The following HHAT variants were observed in gnomAD, a reference collection of about 807,000 sequenced individuals.
The protein encoded by HHAT is protein-cysteine N-palmitoyltransferase HHAT.
HHAT carries 47 observed loss-of-function variants against 70.8 expected under a neutral mutation model. The ratio of observed to expected loss-of-function variants is 0.66; its 90% CI spans 0.53 to 0.85. The LOEUF is 0.85. HHAT is among the 40% of genes least tolerant of loss of function. HHAT has a pLI of 0.00. For synonymous variants in HHAT, 228 were observed against 247.6 expected (o/e 0.92, Z 0.74); for missense variants, 609 against 604.8 (o/e 1.01, Z -0.07).
intron 9 of HHAT, among the ~76,000 whole-genome samples, chr1:210,572,157 G>GC (rs1198015158): frequency 6.6e-6 from 1 of 152,218 alleles, no homozygotes; most frequent in East Asian, 1.9e-4. Context: ...CCTTTCCAGT[G>GC]CCAAACTTTA....
intron 3 of HHAT, among the ~76,000 whole-genome samples, chr1:210,381,902 T>G (rs2090668057): frequency 6.6e-6 from 1 of 152,228 alleles, no homozygotes. Flanking sequence ...GCCTTGGCAC[T>G]TGGCTTGGTA....
rs771679703 is a variant in HHAT, at chr1:210,674,270, TC to T, written c.1391-17del. ...AAGCATTTCTAACTGCTCTTCCATCTCTGTCCTCCCTCTGCAGGCTGGCCTT... is the reference window on the plus strand; with the variant it reads ...AAGCATTTCTAACTGCTCTTCCATCTTGTCCTCCCTCTGCAGGCTGGCCTT... On this transcript the variant is annotated splice_polypyrimidine_tract_variant and intron_variant, in intron 11 of 11. Transcript: ENST00000261458. The T allele has an allele frequency of 6.2e-6, 10 of 1,601,576 alleles. No individual in the cohort carries two copies. The highest frequency in any genetic ancestry group is 7.7e-6 in the Non-Finnish European group (9 of 1,168,778).
intron 8 of HHAT, among the ~76,000 whole-genome samples, chr1:210,466,940 A>G (rs1424699783): frequency 1.3e-5 from 2 of 152,180 alleles, no homozygotes; most frequent in African/African-American, 2.4e-5. Flanking sequence ...AATGTGGACA[A>G]AAGAGTAGTA....
intron 3 of HHAT, among the ~76,000 whole-genome samples, chr1:210,383,067 C>T (rs1017808941): frequency 1.1e-4 from 17 of 152,172 alleles, no homozygotes; most frequent in South Asian, 4.2e-4. Flanking sequence ...AGGCCGGGCA[C>T]GGTGGCTTAT....
At chr1:210,357,656 C>G (rs1216583358) in intron 2 of HHAT, among the ~76,000 whole-genome samples, 1 of 152,116 alleles carries the variant, frequency 6.6e-6, no homozygotes, top group Non-Finnish European at 1.5e-5. Flanking sequence ...CCCGTCTCTA[C>G]TAAAAATACA....
chr1:210,625,216 G>A (rs944289498), intron 11 of HHAT, among the ~76,000 whole-genome samples: 1 of 152,196 alleles, frequency 6.6e-6, no homozygotes, highest in Non-Finnish European at 1.5e-5. Context: ...ATAAAGATGA[G>A]AGATAATAGG....
At chr1:210,427,589 C>G (rs2093103460) in intron 7 of HHAT, among the ~76,000 whole-genome samples, 1 of 152,118 alleles carries the variant, frequency 6.6e-6, no homozygotes, top group Non-Finnish European at 1.5e-5. Context: ...GCAGGTCATT[C>G]AATTTCCATG....
intron 9 of HHAT, among the ~76,000 whole-genome samples, chr1:210,547,085 T>C (rs766725952): frequency 2.6e-5 from 4 of 152,090 alleles, no homozygotes; most frequent in Non-Finnish European, 5.9e-5. Context: ...ATCCCAGCAC[T>C]TTGGGAGGGT....
In HHAT at chr1:210,634,203, C is replaced by T. The variant is rs570153151; in HGVS notation, c.1390+10533C>T. 2.1e-4 allele frequency among the ~76,000 whole-genome samples: 32 copies of T among 152,298 alleles called. 1 individual carries two copies. The highest frequency in any genetic ancestry group is 8.5e-4 in the Admixed American group (13 of 15,294). ...TGGGGTAAGAAGACAGACAACTGAG[C>T]GCTAAGCCACGGGATAGAACATTCC... On this transcript the variant is annotated intron_variant, in intron 11 of 11. Transcript: ENST00000261458.
chr1:210,576,353 C>T (rs1452889160), intron 9 of HHAT, among the ~76,000 whole-genome samples: 1 of 152,016 alleles, frequency 6.6e-6, no homozygotes, highest in Non-Finnish European at 1.5e-5. Context: ...TGGACATATG[C>T]ATGCACCCAT....
At chr1:210,656,465 A>G (rs1365910723) in intron 11 of HHAT, among the ~76,000 whole-genome samples, 1 of 152,070 alleles carries the variant, frequency 6.6e-6, no homozygotes, top group African/African-American at 2.4e-5. Context: ...AGATGACAGC[A>G]GCAGTGATCA....
chr1:210,616,582 G>A (rs1170626033), intron 10 of HHAT, among the ~76,000 whole-genome samples: 1 of 152,140 alleles, frequency 6.6e-6, no homozygotes, highest in Non-Finnish European at 1.5e-5. Flanking sequence ...CGACATATTT[G>A]TTGAACAAAC....
At chr1:210,665,756 C>T (rs543689883) in intron 11 of HHAT, among the ~76,000 whole-genome samples, 17 of 152,276 alleles carry the variant, frequency 1.1e-4, no homozygotes, top group African/African-American at 3.6e-4. Flanking sequence ...GACTCTGGGC[C>T]TTTGTGAGGT....
At chr1:210,410,453 T>G (rs891393156) in intron 6 of HHAT, among the ~76,000 whole-genome samples, 1 of 151,832 alleles carries the variant, frequency 6.6e-6, no homozygotes, top group Non-Finnish European at 1.5e-5. Flanking sequence ...TTTTGTTTTT[T>G]TTTTTTTAAG....
intron 10 of HHAT, among the ~76,000 whole-genome samples, chr1:210,602,484 C>T (rs992591727): frequency 2.0e-5 from 3 of 152,188 alleles, no homozygotes; most frequent in East Asian, 1.9e-4. Flanking sequence ...ACAGTGCGTG[C>T]GCTACCTGAA....
At chr1:210,631,009 TA>T (rs753575475) in intron 11 of HHAT, 13 of 450,426 alleles carry the variant, frequency 2.9e-5, no homozygotes, top group South Asian at 2.1e-4. Flanking sequence ...GGTTTATTTT[TA>T]TTTTTTTTAC....
chr1:210,649,759 T>G (rs1368282917), intron 11 of HHAT, among the ~76,000 whole-genome samples: 2 of 152,188 alleles, frequency 1.3e-5, no homozygotes, highest in Non-Finnish European at 2.9e-5. Flanking sequence ...CAGGTCAGCA[T>G]GACAGAAATC....
Position 210,404,537 on chromosome 1 carries a change from C to A in HHAT, c.542C>A (p.Thr181Asn), listed in dbSNP as rs765901690. 2 of 1,613,740 alleles carry A rather than the reference C, an allele frequency of 1.2e-6. No individual in the cohort carries two copies. Among genetic ancestry groups the A allele is most frequent in the Admixed American group, 1.7e-5 (1 of 60,006 alleles). Residue 181 changes from threonine (T) to asparagine (N), a missense_variant, in exon 6 of 12, where the codon ACC (threonine) becomes AAC (asparagine). Thr to Asn is a moderately conservative substitution (Grantham distance 65). Coordinates refer to ENST00000261458, the MANE Select transcript of HHAT (RefSeq NM_018194.6). ...FTLTVRCLYY[T>N]SFSLELCWQQ... ...CTGACCGTTCGCTGCCTGTACTACACCAGCTTCAGCCTGGAGCTCTGCTGG... is the reference window on the plus strand; with the variant it reads ...CTGACCGTTCGCTGCCTGTACTACAACAGCTTCAGCCTGGAGCTCTGCTGG...
intron 8 of HHAT, among the ~76,000 whole-genome samples, chr1:210,510,367 T>A (rs1243877038): frequency 2.0e-5 from 3 of 152,178 alleles, no homozygotes; most frequent in East Asian, 1.9e-4. Flanking sequence ...CCTTATTTTT[T>A]AAAAACTGAT....
Sources: allele counts gnomAD v4.1 joint callset (sites outside exome capture counted in the v4.1 genomes callset), GRCh38; gene constraint gnomAD v4.1.1; transcripts MANE v1.5; gene names NCBI Gene and HGNC (gene_info 2026-07-23, HGNC 2026-07-21).